Variants in STPG2 observed in about 807,000 individuals in gnomAD.
STPG2 encodes the protein sperm tail PG-rich repeat containing 2.
Under a neutral mutation model 54.2 loss-of-function variants are expected in STPG2, and 56 were observed. That is an observed-to-expected ratio of 1.03 (90% CI 0.83 to 1.29). The LOEUF is 1.29. Ranked by LOEUF, STPG2 falls within the 50% of genes most tolerant of loss-of-function variation. The probability of loss-of-function intolerance (pLI) is 0.00; values close to 1 mark genes in which losing one functional copy is unlikely to be tolerated. For synonymous variants in STPG2, 200 were observed against 181.8 expected (o/e 1.10, Z -0.81); for missense variants, 596 against 544.9 (o/e 1.09, Z -0.93).
intron 9 of STPG2, among the ~76,000 whole-genome samples, chr4:97,735,059 C>T (rs1025338108): frequency 8.0e-6 from 1 of 124,590 alleles, no homozygotes; most frequent in Non-Finnish European, 1.6e-5. Flanking sequence ...GGCAAGAGAG[C>T]GAGACATCGT....
At chr4:98,072,475 T>A (rs992381639) in intron 5 of STPG2, among the ~76,000 whole-genome samples, 3 of 151,092 alleles carry the variant, frequency 2.0e-5, no homozygotes, top group African/African-American at 7.3e-5. Context: ...AGGCGATGGG[T>A]TGGTCTGTGC....
intron 8 of STPG2, among the ~76,000 whole-genome samples, chr4:97,901,537 C>T (rs549449891): frequency 6.6e-6 from 1 of 151,952 alleles, no homozygotes; most frequent in South Asian, 2.1e-4. Flanking sequence ...GCACTAACAA[C>T]AAACTATTTG....
intron 4 of STPG2, among the ~76,000 whole-genome samples, chr4:97,453,169 C>T (rs1729420938): frequency 6.6e-6 from 1 of 152,214 alleles, no homozygotes; most frequent in South Asian, 2.1e-4. Flanking sequence ...CAGTGCCTGG[C>T]ATCTCCAAGC....
chr4:97,520,102 T>C (rs1006792804), intron 4 of STPG2, among the ~76,000 whole-genome samples: 1 of 151,976 alleles, frequency 6.6e-6, no homozygotes, highest in African/African-American at 2.4e-5. Flanking sequence ...GTAAAGCTTT[T>C]GTGTAAGTGG....
chr4:97,721,201 T>A (rs966949199), intron 9 of STPG2, among the ~76,000 whole-genome samples: 34 of 152,224 alleles, frequency 2.2e-4, no homozygotes, highest in African/African-American at 7.9e-4. Flanking sequence ...TAAAAACGAA[T>A]TGCTCAAAAA....
At chr4:97,686,922 A>AATT (rs200335652) in intron 10 of STPG2, among the ~76,000 whole-genome samples, 6 of 149,444 alleles carry the variant, frequency 4.0e-5, no homozygotes, top group Non-Finnish European at 7.4e-5. Context: ...TTATTTTACT[A>AATT]ATTATTATTA....
intron 8 of STPG2, among the ~76,000 whole-genome samples, chr4:97,857,705 A>G (rs974702434): frequency 3.3e-5 from 5 of 152,024 alleles, no homozygotes; most frequent in Admixed American, 2.6e-4. Context: ...AAGGCACAAG[A>G]GACCAATCCC....
intron 4 of STPG2, among the ~76,000 whole-genome samples, chr4:97,511,814 AAT>A (rs765882095): frequency 7.2e-5 from 11 of 152,030 alleles, no homozygotes; most frequent in Non-Finnish European, 1.6e-4. Flanking sequence ...CATAAAAAAA[AAT>A]GTTTGTGAGC....
At chr4:97,628,264 G>A (rs79294424) in intron 10 of STPG2, among the ~76,000 whole-genome samples, 9,495 of 152,122 alleles carry the variant, frequency 0.062, 394 homozygotes, top group South Asian at 0.1. Flanking sequence ...CTGTGAGACT[G>A]AGTAAGACAT....
At position 97,855,101 on chromosome 4, in the gene STPG2, C is replaced by T. The variant is rs373989502; in HGVS notation, c.1045-14169G>A. 2.2e-4 allele frequency among the ~76,000 whole-genome samples: 34 copies of T among 152,258 alleles called. No homozygotes were observed. In the East Asian group the frequency reaches 6.0e-3, roughly 27 times the overall value. ...ATAATCTTATTCCTTTTTATGGCTGCATTGTACTCCATGGTGTATATGTAC... is the reference window on the plus strand; with the variant it reads ...ATAATCTTATTCCTTTTTATGGCTGTATTGTACTCCATGGTGTATATGTAC... On this transcript the variant is annotated intron_variant, in intron 8 of 10. Coordinates refer to ENST00000295268, the MANE Select transcript of STPG2 (RefSeq NM_174952.3).
chr4:97,519,495 C>A (rs930825143), intron 4 of STPG2, among the ~76,000 whole-genome samples: 3 of 151,658 alleles, frequency 2.0e-5, no homozygotes, highest in Non-Finnish European at 2.9e-5. Context: ...GCCAAATTTC[C>A]CCTATTGTGA....
intron 5 of STPG2, among the ~76,000 whole-genome samples, chr4:98,069,533 G>A (rs889028251): frequency 4.6e-5 from 7 of 151,956 alleles, no homozygotes; most frequent in Admixed American, 2.0e-4. Flanking sequence ...AAGTCCTAAC[G>A]GCCCCTCTTA....
chr4:97,859,127 A>C (rs1729425286), intron 8 of STPG2, among the ~76,000 whole-genome samples: 1 of 152,108 alleles, frequency 6.6e-6, no homozygotes. Context: ...ATTTTAATCT[A>C]CATTTCCCTG....
chr4:98,031,011 C>G (rs1174345279), intron 5 of STPG2, among the ~76,000 whole-genome samples: 1 of 152,112 alleles, frequency 6.6e-6, no homozygotes, highest in Non-Finnish European at 1.5e-5. Context: ...TCAAACTATA[C>G]TTTAAGGCCA....
At chr4:97,602,798 C>T (rs1363195303) in intron 10 of STPG2, among the ~76,000 whole-genome samples, 1 of 151,602 alleles carries the variant, frequency 6.6e-6, no homozygotes, top group African/African-American at 2.4e-5. Context: ...GCCTTTATTG[C>T]ATAGTAAAAT....
chr4:97,892,971 G>A (rs1460507160), intron 8 of STPG2: 1 of 152,128 alleles, frequency 6.6e-6, no homozygotes, highest in African/African-American at 2.4e-5. Flanking sequence ...AGAAAGAGAT[G>A]AGTATTCAAC....
rs538280530 is a variant in STPG2, at chr4:97,530,498, ATG to A, written c.462+182199_462+182200del. Among the ~76,000 whole-genome samples, 720 of 149,104 alleles carry A rather than the reference ATG, an allele frequency of 4.8e-3. 3 individuals carry two copies. Among genetic ancestry groups the A allele is most frequent in the South Asian group, 0.021 (98 of 4,666 alleles). The stretch of plus-strand genomic sequence containing the variant: ...AGGGAAATTTTGTTTGAAAACCAAA[ATG>A]TGTGTGTGTGTGTGTGTGTGTGTTT... On this transcript the variant is annotated intron_variant, in intron 4 of 4. Coordinates refer to the STPG2 transcript ENST00000522676.
At chr4:97,712,906 A>G (rs964910628) in intron 9 of STPG2, 92 bp from the exon 10 acceptor site, 3 of 760,350 alleles carry the variant, frequency 3.9e-6, no homozygotes, top group Non-Finnish European at 5.9e-6. Context: ...CTCTTAATGT[A>G]TAAAATTAGC....
chr4:97,636,995 G>A (rs1324006804), intron 10 of STPG2, among the ~76,000 whole-genome samples: 1 of 152,174 alleles, frequency 6.6e-6, no homozygotes, highest in Non-Finnish European at 1.5e-5. Flanking sequence ...CATTTTATGA[G>A]GCCAGCATCA....
Sources: gnomAD v4.1 joint callset for allele counts (sites outside exome capture counted in the v4.1 genomes callset) on GRCh38, gnomAD v4.1.1 for gene constraint, MANE v1.5 for transcripts, NCBI Gene and HGNC (gene_info 2026-07-23, HGNC 2026-07-21) for gene names.